Variants in PSMG2 observed in about 807,000 individuals in gnomAD.
PSMG2 encodes the protein proteasome assembly chaperone 2.
In PSMG2, 21 loss-of-function variants were observed where a neutral mutation model predicts 31.5. That is an observed-to-expected ratio of 0.67 (90% CI 0.47 to 0.96). The LOEUF is 0.96. Among genes scored for constraint, PSMG2 ranks in the 40% least tolerant of loss-of-function variants. The pLI, the probability that PSMG2 is intolerant of heterozygous loss-of-function variation, is 0.00. For synonymous variants in PSMG2, 120 were observed against 110.4 expected (o/e 1.09, Z -0.54); for missense variants, 318 against 321.2 (o/e 0.99, Z 0.08).
chr18:12,699,216 G>A, upstream of PSMG2: 2 of 1,549,604 alleles, frequency 1.3e-6, no homozygotes, highest in Non-Finnish European at 1.8e-6. Context: ...GTAAAGTGTA[G>A]CAATATATAT....
At chr18:12,670,210 G>T (rs1356248628) in intron 1 of PSMG2, among the ~76,000 whole-genome samples, 3 of 148,512 alleles carry the variant, frequency 2.0e-5, no homozygotes, top group Non-Finnish European at 4.5e-5. Flanking sequence ...TGTGCCTGTA[G>T]TCCCAGCTAC....
chr18:12,702,559 G>C (rs1464678719), upstream of PSMG2: 1 of 1,569,396 alleles, frequency 6.4e-7, no homozygotes, highest in Non-Finnish European at 8.6e-7. Context: ...GCTGGCAGCC[G>C]GCGTCTCCCC....
intron 1 of PSMG2, among the ~76,000 whole-genome samples, chr18:12,705,525 T>C (rs1202684287): frequency 6.6e-6 from 1 of 150,820 alleles, no homozygotes; most frequent in Non-Finnish European, 1.5e-5. Flanking sequence ...GGCAGCTTCA[T>C]TATTTTAAGT....
intron 1 of PSMG2, chr18:12,661,889 GAAC>G (rs2038700217): frequency 5.8e-6 from 1 of 173,546 alleles, no homozygotes; most frequent in South Asian, 1.2e-4. Context: ...TAAAATGTCT[GAAC>G]AACTCAAATC....
intron 1 of PSMG2, among the ~76,000 whole-genome samples, chr18:12,671,643 T>TC (rs2038948532): frequency 2.0e-5 from 1 of 50,822 alleles, no homozygotes; most frequent in Non-Finnish European, 4.3e-5. Context: ...TCACACTTTC[T>TC]TTTTTTTTTT....
chr18:12,716,425 G>A (rs1257366216), intron 3 of PSMG2, among the ~76,000 whole-genome samples: 1 of 135,678 alleles, frequency 7.4e-6, no homozygotes, highest in Non-Finnish European at 1.5e-5. Context: ...ACGGAGTCTC[G>A]CCCTGTTGCG....
rs71174122 is a variant in PSMG2, at chr18:12,669,032, C to CTTTTTTTTTTTTTTT, written c.-37+10271_-37+10285dup. 4.8e-5 allele frequency among the ~76,000 whole-genome samples: 2 copies of CTTTTTTTTTTTTTTT among 41,958 alleles called. 1 individual carries two copies. The highest frequency in any genetic ancestry group is 1.1e-4 in the Non-Finnish European group (2 of 18,904). 27.5% of individuals were successfully genotyped at this position (41,958 alleles called of 152,430 possible). A position where few individuals can be genotyped will look rare whatever the true frequency, so the allele number is the denominator to read the frequency against. ...GGCTTGAGCTACCGCACCCCCCGCA[C>CTTTTTTTTTTTTTTT]TTTTTTTTTTTTTTTTTTTTTTTTT... On this transcript the variant is annotated intron_variant, in intron 1 of 6. Coordinates refer to the PSMG2 transcript ENST00000585331.
rs745782511 is a variant in PSMG2 at position 12,724,572 on chromosome 18, G to C, written c.655G>C (p.Gly219Arg). 1.1e-5 allele frequency: 17 copies of C among 1,610,776 alleles called. 1 individual carries two copies. In the South Asian group the frequency reaches 1.9e-4, roughly 18 times the overall value. The change falls in exon 6 of 7, where the codon GGT (glycine) becomes CGT (arginine). Residue 219 changes from glycine to arginine, a missense_variant. Coordinates refer to ENST00000317615, the MANE Select transcript of PSMG2 (RefSeq NM_020232.5). ...SEGDNIPDAL[G>R]LVEYLNEWLQ... ...AGGGGACAACATCCCAGATGCATTA[G>C]GTCTTGTTGAGTATCTTAATGAGTG...
intron 1 of PSMG2, among the ~76,000 whole-genome samples, chr18:12,705,127 C>T (rs1289854819): frequency 1.3e-5 from 2 of 151,706 alleles, no homozygotes; most frequent in African/African-American, 2.4e-5. Flanking sequence ...TGCAATGGCA[C>T]GATCTTGGCT....
At chr18:12,683,432 G>A (rs1289484073) in intron 1 of PSMG2, among the ~76,000 whole-genome samples, 1 of 151,506 alleles carries the variant, frequency 6.6e-6, no homozygotes, top group Admixed American at 6.6e-5. Flanking sequence ...CCTACAATAG[G>A]GAAATAGTTA....
chr18:12,694,139 C>T (rs1195201123), intron 1 of PSMG2, among the ~76,000 whole-genome samples: 1 of 152,158 alleles, frequency 6.6e-6, no homozygotes, highest in African/African-American at 2.4e-5. Context: ...TTGGTTCTCA[C>T]TATGTGGTTT....
chr18:12,717,651 T>C (rs2040390253), intron 3 of PSMG2, among the ~76,000 whole-genome samples: 1 of 152,256 alleles, frequency 6.6e-6, no homozygotes, highest in Non-Finnish European at 1.5e-5. Flanking sequence ...GTTCCGAAAG[T>C]ATCCTTCAAT....
chr18:12,668,473 C>T (rs1041189480), intron 1 of PSMG2, among the ~76,000 whole-genome samples: 1 of 150,968 alleles, frequency 6.6e-6, no homozygotes, highest in African/African-American at 2.4e-5. Flanking sequence ...TAGTGGTGTG[C>T]ACCTGTGGTC....
intron 1 of PSMG2, chr18:12,673,168 T>C (rs1218432543): frequency 8.1e-7 from 1 of 1,230,026 alleles, no homozygotes; most frequent in African/African-American, 1.6e-5. Flanking sequence ...GGGAGATTTA[T>C]ACAAGTTTTT....
At chr18:12,699,957 T>C, upstream of PSMG2, 2 of 1,227,862 alleles carry the variant, frequency 1.6e-6, no homozygotes, top group Non-Finnish European at 2.3e-6. Flanking sequence ...AATTATAGGT[T>C]AAGGAAATGT....
At chr18:12,704,145 T>G (rs2145129976) in intron 1 of PSMG2, among the ~76,000 whole-genome samples, 1 of 152,218 alleles carries the variant, frequency 6.6e-6, no homozygotes, top group South Asian at 2.1e-4. Context: ...GTGAAGAAAG[T>G]GTATGTTTGG....
chr18:12,690,892 A>G (rs1461504420), intron 1 of PSMG2, among the ~76,000 whole-genome samples: 1 of 152,102 alleles, frequency 6.6e-6, no homozygotes, highest in African/African-American at 2.4e-5. Flanking sequence ...TCGTGGTTAT[A>G]TACAATTTTT....
intron 1 of PSMG2, among the ~76,000 whole-genome samples, chr18:12,687,704 C>T (rs909030437): frequency 6.6e-6 from 1 of 151,600 alleles, no homozygotes; most frequent in Non-Finnish European, 1.5e-5. Context: ...CCGCCCACCT[C>T]GACCTCCCAA....
chr18:12,705,572 A>AGTGTGTGTGTGTGTGTGT (rs1341255881), intron 1 of PSMG2, among the ~76,000 whole-genome samples: 21 of 129,334 alleles, frequency 1.6e-4, no homozygotes, highest in East Asian at 6.7e-4. Flanking sequence ...AGAGAGAGAG[A>AGTGTGTGTGTGTGTGTGT]GAGAGTGTGT....
Sources: gnomAD v4.1 joint callset for allele counts (sites outside exome capture counted in the v4.1 genomes callset) on GRCh38, gnomAD v4.1.1 for gene constraint, MANE v1.5 for transcripts, NCBI Gene and HGNC (gene_info 2026-07-23, HGNC 2026-07-21) for gene names.